CNGA3: variants seen among roughly 807,000 people sequenced by gnomAD.
CNGA3 encodes cyclic nucleotide gated channel subunit alpha 3, also known as cyclic nucleotide-gated channel alpha-3.
A neutral mutation model predicts 46.6 loss-of-function variants in CNGA3; 42 were observed. The ratio of observed to expected loss-of-function variants is 0.90; its 90% CI spans 0.70 to 1.17. CNGA3 has a LOEUF of 1.17. Among genes scored for constraint, CNGA3 ranks in the 50% most tolerant of loss-of-function variants. CNGA3 has a pLI of 0.00. For synonymous variants in CNGA3, 394 were observed against 369.4 expected, an observed-to-expected ratio of 1.07 and a Z score of -0.76; for missense variants, 893 against 890.7, an observed-to-expected ratio of 1.00 and a Z score of -0.03.
chr2:98,393,547 G>T (rs576271064), intron 7 of CNGA3, among the ~76,000 whole-genome samples: 1 of 152,314 alleles, frequency 6.6e-6, no homozygotes, highest in Non-Finnish European at 1.5e-5. Context: ...TACACAGGCT[G>T]AGGCTTGCGT....
At chr2:98,366,872 C>G (rs1278243918) in intron 1 of CNGA3, among the ~76,000 whole-genome samples, 1 of 152,198 alleles carries the variant, frequency 6.6e-6, no homozygotes, top group Non-Finnish European at 1.5e-5. Flanking sequence ...GACCCAAGGC[C>G]CTGGTGGTGT....
chr2:98,397,547 G>C lies in CNGA3; in HGVS notation c.*292G>C. The C allele has an allele frequency of 2.1e-6, 1 of 468,886 alleles. No homozygotes were observed. 29.0% of individuals were successfully genotyped at this position (468,886 alleles called of 1,614,324 possible). Reference sequence around the variant, plus strand: ...CCAAGTATATGAAAACGTGCACACAGGACTCTCATTACTTTTTTATGGAAT... The same window carrying C: ...CCAAGTATATGAAAACGTGCACACACGACTCTCATTACTTTTTTATGGAAT... On this transcript the variant is annotated 3_prime_UTR_variant, in exon 8 of 8. Transcript: ENST00000272602.
chr2:98,348,646 A>C (rs1454746641), intron 1 of CNGA3, among the ~76,000 whole-genome samples: 1 of 152,136 alleles, frequency 6.6e-6, no homozygotes, highest in Non-Finnish European at 1.5e-5. Flanking sequence ...CAAGGTTGAG[A>C]TGGGCCATGC....
At chr2:98,387,682 G>A (rs1439403334) in intron 5 of CNGA3, among the ~76,000 whole-genome samples, 1 of 152,122 alleles carries the variant, frequency 6.6e-6, no homozygotes, top group Non-Finnish European at 1.5e-5. Context: ...GTCTGAACTC[G>A]GCCACATTTG....
At chr2:98,349,724 G>C (rs1200770858) in intron 1 of CNGA3, among the ~76,000 whole-genome samples, 2 of 152,176 alleles carry the variant, frequency 1.3e-5, no homozygotes, top group Non-Finnish European at 2.9e-5. Context: ...CTATACACTA[G>C]ACTAGCACAG....
intron 1 of CNGA3, among the ~76,000 whole-genome samples, chr2:98,360,198 G>A (rs1356986884): frequency 1.3e-5 from 2 of 152,226 alleles, no homozygotes; most frequent in Non-Finnish European, 2.9e-5. Context: ...TTGTAAGAGA[G>A]GGAGGGGGGC....
At chr2:98,392,384 AC>A (rs1239640233) in intron 7 of CNGA3, among the ~76,000 whole-genome samples, 13 of 151,916 alleles carry the variant, frequency 8.6e-5, no homozygotes, top group Admixed American at 7.9e-4. Context: ...ACATGGTGAA[AC>A]CCCATCTCTA....
chr2:98,384,590 C>T (rs958871998), intron 5 of CNGA3, among the ~76,000 whole-genome samples: 2 of 152,068 alleles, frequency 1.3e-5, no homozygotes, highest in Non-Finnish European at 2.9e-5. Flanking sequence ...CCAGCCATAA[C>T]GAAAAATGAG....
intron 1 of CNGA3, among the ~76,000 whole-genome samples, chr2:98,369,616 T>A (rs1189660753): frequency 6.6e-6 from 1 of 152,234 alleles, no homozygotes; most frequent in Non-Finnish European, 1.5e-5. Context: ...CAAAGAATCA[T>A]GAGGGCTTCA....
Position 98,383,521 on chromosome 2 carries a change from C to A in CNGA3, c.449+80C>A, listed in dbSNP as rs879000482. ...ATAGAAGCCCCAGCTTGGCCTCTCT[C>A]CTTAGTGCTCCTGCTCCCCACTCCC... On this transcript the variant is annotated intron_variant, in intron 5 of 7. Transcript: ENST00000272602. 6 of 1,293,290 alleles carry A rather than the reference C, an allele frequency of 4.6e-6. No homozygotes were observed. In the South Asian group the frequency reaches 4.7e-5, roughly 10 times the overall value. The allele number at this position is 1,293,290 out of a possible 1,614,324, so 80.1% of individuals were successfully genotyped here. A position where few individuals can be genotyped will look rare whatever the true frequency, so the allele number is the denominator to read the frequency against.
At chr2:98,347,304 G>A (rs772569819) in intron 1 of CNGA3, 3 of 152,260 alleles carry the variant, frequency 2.0e-5, no homozygotes, top group Non-Finnish European at 4.4e-5. Context: ...AGGAGAAGGG[G>A]CGGCGGGCTC....
At chr2:98,376,576 A>G (rs964063930) in intron 2 of CNGA3, among the ~76,000 whole-genome samples, 2 of 152,070 alleles carry the variant, frequency 1.3e-5, no homozygotes, top group African/African-American at 4.8e-5. Context: ...GCAGGGAGGA[A>G]TCTGTAGAAG....
At chr2:98,384,000 C>A (rs1692595393) in intron 5 of CNGA3, among the ~76,000 whole-genome samples, 1 of 152,168 alleles carries the variant, frequency 6.6e-6, no homozygotes, top group Non-Finnish European at 1.5e-5. Context: ...CATTCTCCTG[C>A]TTCAGCTTCC....
rs1253830785 is a variant in CNGA3 at position 98,377,767 on chromosome 2, G to T, written c.182G>T (p.Gly61Val). 1.2e-6 allele frequency: 2 copies of T among 1,612,370 alleles called. No individual in the cohort carries two copies. Among genetic ancestry groups the T allele is most frequent in the African/African-American group, 2.7e-5 (2 of 74,884 alleles). The change falls in exon 3 of 8, where the codon GGG becomes GTG. Residue 61 changes from glycine to valine, a missense_variant. Physicochemically the swap from Gly to Val is moderately radical, Grantham distance 109 (BLOSUM62 -3). Transcript: ENST00000272602. ...GAGACCAGAGGACTGGCTGACTCCGGGCAGGGCTCCTTCACCGGCCAGGGG... is the reference window on the plus strand; with the variant it reads ...GAGACCAGAGGACTGGCTGACTCCGTGCAGGGCTCCTTCACCGGCCAGGGG... ...AMETRGLADS[G>V]QGSFTGQGIA...
chr2:98,354,125 T>C (rs1012357099), intron 1 of CNGA3, among the ~76,000 whole-genome samples: 8 of 152,248 alleles, frequency 5.3e-5, no homozygotes, highest in African/African-American at 9.6e-5. Context: ...CATCTCTAGA[T>C]TACTTATAGT....
chr2:98,383,766 G>C (rs961729632), intron 5 of CNGA3, among the ~76,000 whole-genome samples: 2 of 152,182 alleles, frequency 1.3e-5, no homozygotes, highest in African/African-American at 2.4e-5. Context: ...TGCAGAACCG[G>C]AGTTCCTTGA....
At chr2:98,354,500 C>G (rs551659841) in intron 1 of CNGA3, among the ~76,000 whole-genome samples, 1 of 152,220 alleles carries the variant, frequency 6.6e-6, no homozygotes, top group Non-Finnish European at 1.5e-5. Context: ...TGGATATATG[C>G]CAATATATGT....
chr2:98,354,387 T>C (rs1276951252), intron 1 of CNGA3, among the ~76,000 whole-genome samples: 1 of 152,246 alleles, frequency 6.6e-6, no homozygotes, highest in Admixed American at 6.5e-5. Flanking sequence ...TTCTTAGCCA[T>C]TCTGTATCTT....
chr2:98,395,423 G>A (rs1003192420), intron 7 of CNGA3, among the ~76,000 whole-genome samples: 9 of 152,230 alleles, frequency 5.9e-5, no homozygotes, highest in Admixed American at 1.3e-4. Flanking sequence ...ACCCGCCTCG[G>A]CCTCTCAAAG....
Sources: allele counts gnomAD v4.1 joint callset (sites outside exome capture counted in the v4.1 genomes callset), GRCh38; gene constraint gnomAD v4.1.1; transcripts MANE v1.5; gene names NCBI Gene and HGNC (gene_info 2026-07-23, HGNC 2026-07-21).